LHCGR: variants seen among roughly 807,000 people sequenced by gnomAD.
LHCGR encodes luteinizing hormone/choriogonadotropin receptor.
LHCGR carries 55 observed loss-of-function variants against 60.7 expected under a neutral mutation model. The observed-to-expected ratio is 0.91, with a 90% confidence interval of 0.73 to 1.13. The LOEUF is 1.13. Ranked by LOEUF, LHCGR falls within the 50% of genes most tolerant of loss-of-function variation. LHCGR has a pLI of 0.00. For missense variants in LHCGR, 862 were observed against 836.0 expected, an observed-to-expected ratio of 1.03 and a Z score of -0.38; for synonymous variants, 337 against 316.5, an observed-to-expected ratio of 1.06 and a Z score of -0.69.
chr2:48,741,354 C>T (rs951541531), intron 1 of LHCGR, among the ~76,000 whole-genome samples: 8 of 152,134 alleles, frequency 5.3e-5, no homozygotes, highest in African/African-American at 7.2e-5. Context: ...CACAAAGATA[C>T]TCCTCGAGAA....
At chr2:48,691,638 G>C (rs1394758042) in intron 10 of LHCGR, among the ~76,000 whole-genome samples, 3 of 152,162 alleles carry the variant, frequency 2.0e-5, no homozygotes, top group Admixed American at 6.5e-5. Context: ...CTGAGGTCAG[G>C]AGTTTGAGAC....
At chr2:48,708,654 G>T (rs1436552400) in intron 8 of LHCGR, 1 of 534,412 alleles carries the variant, frequency 1.9e-6, no homozygotes, top group Non-Finnish European at 3.4e-6. Context: ...GCTAGGAGAG[G>T]CCTGGAATAG....
At position 48,754,425 on chromosome 2, in the gene LHCGR, G is replaced by A. The variant is rs545733980; in HGVS notation, c.161+1086C>T. On this transcript the variant is annotated intron_variant, in intron 1 of 10. Coordinates refer to ENST00000294954, the MANE Select transcript of LHCGR (RefSeq NM_000233.4). Reference sequence around the variant, plus strand: ...GATCAAGACCTCTACCAGCCTTTTAGATACTCTTGTCTTTTGTCTTTTTTT... The same window carrying A: ...GATCAAGACCTCTACCAGCCTTTTAAATACTCTTGTCTTTTGTCTTTTTTT... Among the ~76,000 whole-genome samples the A allele has an allele frequency of 5.9e-5, 9 of 152,152 alleles. No homozygotes were observed. In the South Asian group the frequency reaches 8.3e-4, roughly 14 times the overall value.
intron 8 of LHCGR, among the ~76,000 whole-genome samples, chr2:48,706,320 CT>C (rs1243527467): frequency 2.6e-5 from 4 of 152,128 alleles, no homozygotes; most frequent in African/African-American, 9.7e-5. Flanking sequence ...TCTGGCTGCC[CT>C]TAACATTTTT....
Position 48,725,672 on chromosome 2 carries a change from T to C in LHCGR, c.383+4A>G, listed in dbSNP as rs767909028. 1.9e-6 allele frequency: 3 copies of C among 1,608,846 alleles called. No individual in the cohort carries two copies. The highest frequency in any genetic ancestry group is 2.7e-5 in the African/African-American group (2 of 74,790). Reference sequence around the variant, plus strand: ...CCAATTGCTTAAAAAGGAAAATTTCTCACAAGTATTTTAATCGGGGAAGAT... The same window carrying C: ...CCAATTGCTTAAAAAGGAAAATTTCCCACAAGTATTTTAATCGGGGAAGAT... On this transcript the variant is annotated splice_donor_region_variant and intron_variant, in intron 4 of 10. Transcript: ENST00000294954.
chr2:48,739,679 G>C (rs988098673), intron 1 of LHCGR, among the ~76,000 whole-genome samples: 2 of 152,066 alleles, frequency 1.3e-5, no homozygotes, highest in African/African-American at 4.8e-5. Context: ...GGGGGAGTGG[G>C]GAGGGATAGC....
At position 48,688,256 on chromosome 2, in the gene LHCGR, C is replaced by G; in HGVS notation, c.1541G>C (p.Cys514Ser). ...GVSNYMKVSI[C>S]FPMDVETTLS... Reference sequence around the variant, plus strand: ...AGTGGTTTCCACATCCATGGGGAAGCAAATACTGACCTTCATGTAATTGCT... The same window carrying G: ...AGTGGTTTCCACATCCATGGGGAAGGAAATACTGACCTTCATGTAATTGCT... Residue 514 changes from cysteine (C) to serine (S), a missense_variant, in exon 11 of 11, where the codon TGC (cysteine) becomes TCC (serine). Coordinates refer to ENST00000294954, the MANE Select transcript of LHCGR (RefSeq NM_000233.4). The surrounding 1 kb of genome is among the most constrained non-coding windows in gnomAD (Gnocchi z 5.2). 6.2e-7 allele frequency: 1 copy of G among 1,614,038 alleles called. No homozygotes were observed. Among genetic ancestry groups the G allele is most frequent in the South Asian group, 1.1e-5 (1 of 91,074 alleles).
chr2:48,711,742 C>G (rs963546095), intron 7 of LHCGR, among the ~76,000 whole-genome samples: 3 of 152,228 alleles, frequency 2.0e-5, no homozygotes, highest in East Asian at 1.9e-4. Context: ...TTTTATTTTT[C>G]CCCCTGTTCA....
intron 10 of LHCGR, among the ~76,000 whole-genome samples, chr2:48,690,129 A>G (rs568115876): frequency 1.3e-5 from 2 of 152,288 alleles, no homozygotes; most frequent in South Asian, 4.1e-4. Context: ...TTTCCCAAAT[A>G]CAAAGTTACT....
At chr2:48,752,739 G>GAA (rs1670013723) in intron 1 of LHCGR, among the ~76,000 whole-genome samples, 1 of 151,710 alleles carries the variant, frequency 6.6e-6, no homozygotes, top group Non-Finnish European at 1.5e-5. Context: ...TTCTTTCTAA[G>GAA]GTTAATCTTT....
At chr2:48,724,110 T>C (rs1328567915) in intron 4 of LHCGR, among the ~76,000 whole-genome samples, 5 of 152,238 alleles carry the variant, frequency 3.3e-5, no homozygotes, top group Admixed American at 3.3e-4. Context: ...TTGATTCAAA[T>C]ACTTCAAGAA....
intron 2 of LHCGR, among the ~76,000 whole-genome samples, chr2:48,729,756 C>A (rs1373148801): frequency 6.6e-5 from 10 of 152,186 alleles, no homozygotes; most frequent in Admixed American, 6.5e-4. Flanking sequence ...GTGGTCAACT[C>A]CTGCACATGG....
chr2:48,746,162 C>T (rs1293607242), intron 1 of LHCGR, among the ~76,000 whole-genome samples: 2 of 152,160 alleles, frequency 1.3e-5, no homozygotes, highest in East Asian at 1.9e-4. Context: ...AAGATTTAGG[C>T]CACCTAGGCT....
chr2:48,749,720 T>C (rs1342571477), intron 1 of LHCGR, among the ~76,000 whole-genome samples: 1 of 129,968 alleles, frequency 7.7e-6, no homozygotes, highest in Non-Finnish European at 1.7e-5. Context: ...CTTTTGAAAT[T>C]AAAAAAAAAA....
intron 9 of LHCGR, among the ~76,000 whole-genome samples, chr2:48,695,455 G>A (rs1667069699): frequency 6.6e-6 from 1 of 152,116 alleles, no homozygotes; most frequent in South Asian, 2.1e-4. Context: ...ACTGTTGGTG[G>A]GAGTGTAAAT....
chr2:48,698,470 G>A, intron 9 of LHCGR, 145 bp downstream of exon 9: 2 of 686,774 alleles, frequency 2.9e-6, no homozygotes, highest in South Asian at 3.1e-5. Flanking sequence ...TTTTCTTCTT[G>A]TCTATTTGAA....
chr2:48,740,060 T>C (rs1236065918), intron 1 of LHCGR, among the ~76,000 whole-genome samples: 2 of 152,182 alleles, frequency 1.3e-5, no homozygotes, highest in Non-Finnish European at 2.9e-5. Context: ...TTCCCTTTCC[T>C]AGTCAAAGAA....
intron 8 of LHCGR, among the ~76,000 whole-genome samples, chr2:48,705,488 G>A (rs1667618033): frequency 3.9e-5 from 6 of 152,134 alleles, no homozygotes; most frequent in Admixed American, 2.6e-4. Context: ...TTGACAGTTG[G>A]ATGTTAAAGT....
At chr2:48,741,715 C>T (rs1460119628) in intron 1 of LHCGR, among the ~76,000 whole-genome samples, 21 of 151,410 alleles carry the variant, frequency 1.4e-4, no homozygotes, top group Admixed American at 3.3e-4. Context: ...AAGGAACAAC[C>T]GGTACCAGCC....
Sources: allele counts gnomAD v4.1 joint callset (sites outside exome capture counted in the v4.1 genomes callset), GRCh38; gene constraint gnomAD v4.1.1; non-coding constraint Gnocchi (gnomAD v3.1); transcripts MANE v1.5; gene names NCBI Gene and HGNC (gene_info 2026-07-23, HGNC 2026-07-21).